Variants in ENTREP2 observed in about 807,000 individuals in gnomAD.
The protein encoded by ENTREP2 is protein ENTREP2.
At chr15:29,187,076 CT>C in the ENTREP2 span, among the ~76,000 whole-genome samples, 2 of 152,120 alleles carry the variant, frequency 1.3e-5, no homozygotes, top group African/African-American at 4.8e-5. Context: ...TGCTACCGTT[CT>C]TTTCCTATAG....
At chr15:29,304,070 A>C in the ENTREP2 span, among the ~76,000 whole-genome samples, 1 of 151,948 alleles carries the variant, frequency 6.6e-6, no homozygotes, top group Non-Finnish European at 1.5e-5. Flanking sequence ...TTTAGTAGAG[A>C]TGGGGTTTCA....
chr15:29,301,167 T>G, the ENTREP2 span, among the ~76,000 whole-genome samples: 3 of 152,214 alleles, frequency 2.0e-5, no homozygotes, highest in African/African-American at 4.8e-5. Context: ...AGTATGATCA[T>G]GGACTATTTA....
the ENTREP2 span, among the ~76,000 whole-genome samples, chr15:29,600,902 C>CTTTTTTTTTTTTTTTTTTTTTTTTT: frequency 8.1e-6 from 1 of 123,624 alleles, no homozygotes; most frequent in Non-Finnish European, 1.6e-5. Context: ...ATTTTTCTTT[C>CTTTTTTTTTTTTTTTTTTTTTTTTT]TTTTTTTTTT....
chr15:29,659,916 G>A, the ENTREP2 span, among the ~76,000 whole-genome samples: 7 of 151,608 alleles, frequency 4.6e-5, no homozygotes, highest in African/African-American at 1.7e-4. Flanking sequence ...CTTGTGCCTC[G>A]GCCTCCCGAG....
chr15:29,638,801 GCCTTT>G, the ENTREP2 span, among the ~76,000 whole-genome samples: 16,809 of 152,182 alleles, frequency 0.11, 1,355 homozygotes, highest in South Asian at 0.32. Context: ...GGCATTCATT[GCCTTT>G]CCTTTAACAA....
chr15:29,389,319 A>G, the ENTREP2 span, among the ~76,000 whole-genome samples: 2 of 152,166 alleles, frequency 1.3e-5, no homozygotes, highest in Non-Finnish European at 2.9e-5. Context: ...GTAGACTAAG[A>G]CACTACGACA....
At chr15:29,643,768 G>A in the ENTREP2 span, among the ~76,000 whole-genome samples, 4 of 142,686 alleles carry the variant, frequency 2.8e-5, no homozygotes, top group African/African-American at 2.6e-5. Flanking sequence ...GTGACGGAGC[G>A]AGACTCTGTC....
the ENTREP2 span, among the ~76,000 whole-genome samples, chr15:29,653,049 G>A: frequency 1.3e-5 from 2 of 152,182 alleles, no homozygotes; most frequent in African/African-American, 2.4e-5. Context: ...TTGGATCCAT[G>A]TATCCCCTGT....
At chr15:29,145,350 C>T in the ENTREP2 span, among the ~76,000 whole-genome samples, 1,125 of 152,140 alleles carry the variant, frequency 7.4e-3, 19 homozygotes, top group African/African-American at 0.026. Flanking sequence ...AGGCTGGACA[C>T]GGTGGCTCAT....
chr15:29,335,207 T>C, the ENTREP2 span, among the ~76,000 whole-genome samples: 1 of 152,216 alleles, frequency 6.6e-6, no homozygotes, highest in East Asian at 1.9e-4. Flanking sequence ...CATAGATAAC[T>C]GGAGCACACT....
chr15:29,286,757 G>C, the ENTREP2 span, among the ~76,000 whole-genome samples: 1 of 152,214 alleles, frequency 6.6e-6, no homozygotes, highest in African/African-American at 2.4e-5. Flanking sequence ...GAGTGAGGCC[G>C]TTTAGACCAT....
the ENTREP2 span, among the ~76,000 whole-genome samples, chr15:29,379,705 G>A: frequency 8.5e-5 from 13 of 152,206 alleles, no homozygotes; most frequent in African/African-American, 2.2e-4. Context: ...CTAACTCCTC[G>A]TCAGCTATAA....
chr15:29,590,409 G>A, the ENTREP2 span, among the ~76,000 whole-genome samples: 3 of 152,230 alleles, frequency 2.0e-5, no homozygotes, highest in South Asian at 6.2e-4. Flanking sequence ...AAGGCCAGGC[G>A]CGGTGGCTCA....
chr15:29,451,904 A>T, the ENTREP2 span, among the ~76,000 whole-genome samples: 2 of 152,200 alleles, frequency 1.3e-5, no homozygotes, highest in Admixed American at 6.5e-5. Flanking sequence ...TCAGCAGTAG[A>T]TATTTATTGT....
chr15:29,307,507 TA>T, the ENTREP2 span, among the ~76,000 whole-genome samples: 1 of 152,222 alleles, frequency 6.6e-6, no homozygotes, highest in African/African-American at 2.4e-5. Flanking sequence ...GCAAAACATT[TA>T]AAAAGGAGAA....
At chr15:29,225,535 A>G in the ENTREP2 span, among the ~76,000 whole-genome samples, 1 of 152,154 alleles carries the variant, frequency 6.6e-6, no homozygotes, top group Non-Finnish European at 1.5e-5. Flanking sequence ...AGGGATGACA[A>G]AAGCATCCCC....
At chr15:29,492,723 G>T in the ENTREP2 span, among the ~76,000 whole-genome samples, 1 of 152,124 alleles carries the variant, frequency 6.6e-6, no homozygotes, top group South Asian at 2.1e-4. Flanking sequence ...TTTTATTGAG[G>T]CTGGGCACGG....
the ENTREP2 span, chr15:29,269,089 C>T: frequency 6.2e-7 from 1 of 1,613,986 alleles, no homozygotes; most frequent in Non-Finnish European, 8.5e-7. Context: ...GGGGTAGACC[C>T]CTAAGCGCCG....
At chr15:29,418,614 T>C in the ENTREP2 span, among the ~76,000 whole-genome samples, 2 of 152,010 alleles carry the variant, frequency 1.3e-5, no homozygotes, top group African/African-American at 4.8e-5. Flanking sequence ...TCGGATGGAG[T>C]AGTTAGCAGC....
Sources: gnomAD v4.1 joint callset for allele counts (sites outside exome capture counted in the v4.1 genomes callset) on GRCh38, gnomAD v4.1.1 for gene constraint, MANE v1.5 for transcripts, NCBI Gene and HGNC (gene_info 2026-07-23, HGNC 2026-07-21) for gene names.